The following ABCB4 variants were observed in gnomAD, a reference collection of about 807,000 sequenced individuals.
The protein encoded by ABCB4 is phosphatidylcholine translocator ABCB4.
A neutral mutation model predicts 145.7 loss-of-function variants in ABCB4; 76 were observed. The ratio of observed to expected loss-of-function variants is 0.52; its 90% CI spans 0.43 to 0.63. ABCB4 has a LOEUF of 0.63. Ranked by LOEUF, ABCB4 falls within the 30% of genes least tolerant of loss-of-function variation. The pLI is 0.00. For missense variants in ABCB4, 1,234 were observed against 1,553.1 expected, an observed-to-expected ratio of 0.79 and a Z score of 3.45; for synonymous variants, 517 against 566.8, an observed-to-expected ratio of 0.91 and a Z score of 1.25.
rs1278458801 is a variant in ABCB4, at chr7:87,462,765, G to T, written c.279C>A (p.Ser93=). 6.2e-7 allele frequency: 1 copy of T among 1,613,780 alleles called. No homozygotes were observed. The highest frequency in any genetic ancestry group is 8.5e-7 in the Non-Finnish European group (1 of 1,179,872). The part of the protein sequence containing the change: ...DKFVDTAGNF[S]FPVNFSLSLL... ...AGGTAAAGAAATGCTTACCTGGAAAGGAGAAGTTTCCTGCAGTATCAACAA... is the reference window on the plus strand; with the variant it reads ...AGGTAAAGAAATGCTTACCTGGAAATGAGAAGTTTCCTGCAGTATCAACAA... The change falls in exon 4 of 28, where the codon TCC becomes TCA. Residue 93 remains serine, a synonymous_variant. Transcript: ENST00000649586.
the ABCB4 span, chr7:87,376,100 G>A: frequency 1.5e-6 from 1 of 663,070 alleles, no homozygotes; most frequent in Non-Finnish European, 2.4e-6. Flanking sequence ...CCAAATTGAA[G>A]CTTATAAAGT....
Position 87,472,644 on chromosome 7 carries a change from T to C in ABCB4, c.112A>G (p.Lys38Glu). Reference sequence around the variant, plus strand: ...ACCAATGTTAATACTCCAATCATTTTCACTGTCTTCGTTTTTTTCCTTTTT... The same window carrying C: ...ACCAATGTTAATACTCCAATCATTTCCACTGTCTTCGTTTTTTTCCTTTTT... Reference protein sequence around the residue: ...KQKRKKTKTVKMIGVLTLFRY... With the variant: ...KQKRKKTKTVEMIGVLTLFRY... Residue 38 changes from lysine (K) to glutamate (E), a missense_variant, in exon 3 of 28, where the codon AAA becomes GAA. By Grantham distance (56) the Lys-to-Glu change is moderately conservative. This residue lies in a region of ABCB4 where 77 missense variants were observed against 73.3 expected (regional missense o/e 1.05). Coordinates refer to ENST00000649586, the MANE Select transcript of ABCB4 (RefSeq NM_000443.4). The C allele has an allele frequency of 1.2e-6, 2 of 1,609,596 alleles. No individual in the cohort carries two copies. The highest frequency in any genetic ancestry group is 1.7e-6 in the Non-Finnish European group (2 of 1,176,014).
intron 3 of ABCB4, among the ~76,000 whole-genome samples, chr7:87,472,215 GT>G (rs1813469271): frequency 2.0e-5 from 3 of 152,180 alleles, no homozygotes; most frequent in Admixed American, 2.0e-4. Flanking sequence ...TCTGCAGACA[GT>G]TTTTTGTTGT....
Position 87,402,133 on chromosome 7 carries a change from G to C in ABCB4, c.3803C>G (p.Ser1268Ter). 1 of 1,614,066 alleles carries C rather than the reference G, an allele frequency of 6.2e-7. No homozygotes were observed. The highest frequency in any genetic ancestry group is 8.5e-7 in the Non-Finnish European group (1 of 1,180,040). The change falls in exon 28 of 28, where the codon TCA becomes TGA. Residue 1268 changes from serine to a stop codon, truncating the protein, a stop_gained. Coordinates refer to ENST00000649586, the MANE Select transcript of ABCB4 (RefSeq NM_000443.4). LOFTEE classifies it high-confidence loss of function. Reference protein sequence around the residue: ...QLLAQKGIYFSMVSVQAGTQN... With the variant: ...QLLAQKGIYF ...TGTCCCAGCCTGGACACTGACCATT[G>C]AAAAATAGATGCCTTTCTGTGCCAG... is the stretch of plus-strand genomic sequence containing the variant.
chr7:87,455,118 A>G (rs1280878204), intron 4 of ABCB4, among the ~76,000 whole-genome samples: 1 of 152,182 alleles, frequency 6.6e-6, no homozygotes, highest in Non-Finnish European at 1.5e-5. Flanking sequence ...AGTTACATCC[A>G]TCGCAAAGGA....
chr7:87,409,248 C>G lies in ABCB4; in HGVS notation c.3069G>C (p.Glu1023Asp), dbSNP rs780160089. The G allele has an allele frequency of 1.2e-6, 2 of 1,614,056 alleles. No homozygotes were observed. Among genetic ancestry groups the G allele is most frequent in the Non-Finnish European group, 1.7e-6 (2 of 1,179,988 alleles). Residue 1023 changes from glutamate (E) to aspartate (D), a missense_variant, in exon 24 of 28, where the codon GAG becomes GAC. This residue lies in a region of ABCB4 where 301 missense variants were observed against 389.0 expected (regional missense o/e 0.77). Coordinates refer to ENST00000649586, the MANE Select transcript of ABCB4 (RefSeq NM_000443.4). ...TCAGAGAACTTACAGGCTTCAGCCC[C>G]TCTTCACTGTAGCTGTCAATCAGAG... ...RQPLIDSYSE[E>D]GLKPDKFEGN...
chr7:87,409,865 C>A (rs1044912237), intron 23 of ABCB4, among the ~76,000 whole-genome samples: 1 of 152,156 alleles, frequency 6.6e-6, no homozygotes, highest in Non-Finnish European at 1.5e-5. Flanking sequence ...TGTACTACCA[C>A]ACAAATGATA....
the ABCB4 span, among the ~76,000 whole-genome samples, chr7:87,390,223 A>C: frequency 6.6e-6 from 1 of 152,176 alleles, no homozygotes; most frequent in African/African-American, 2.4e-5. Context: ...CCAATAGTTA[A>C]TGCTCTTTGC....
rs1184761897 is a variant in ABCB4 at position 87,447,133 on chromosome 7, A to G, written c.906T>C (p.Gly302=). The G allele has an allele frequency of 6.2e-7, 1 of 1,614,038 alleles. No individual in the cohort carries two copies. The highest frequency in any genetic ancestry group is 1.1e-5 in the South Asian group (1 of 91,086). ...KKAISANISM[G]IAFLLIYASY... Reference sequence around the variant, plus strand: ...ATGCATATATTAACAGGAAGGCAATACCCATGGAAATGTTTGCTGAAATAG... The same window carrying G: ...ATGCATATATTAACAGGAAGGCAATGCCCATGGAAATGTTTGCTGAAATAG... The change falls in exon 9 of 28, where the codon GGT becomes GGC. Residue 302 remains glycine, a synonymous_variant. Transcript: ENST00000649586.
At chr7:87,472,224 TGTC>T (rs1165213566) in intron 3 of ABCB4, among the ~76,000 whole-genome samples, 1 of 152,156 alleles carries the variant, frequency 6.6e-6, no homozygotes, top group East Asian at 1.9e-4. Flanking sequence ...AGTTTTTTGT[TGTC>T]GTTGTTTTTG....
chr7:87,408,003 A>G, intron 25 of ABCB4, 34 bp downstream of exon 25: 1 of 1,609,838 alleles, frequency 6.2e-7, no homozygotes, highest in Non-Finnish European at 8.5e-7. Flanking sequence ...ATTAAAATAT[A>G]GCCTTCAATC....
At chr7:87,390,283 A>G in the ABCB4 span, among the ~76,000 whole-genome samples, 1 of 152,158 alleles carries the variant, frequency 6.6e-6, no homozygotes, top group Non-Finnish European at 1.5e-5. Context: ...GTCAGCCAGC[A>G]TCTATTATAA....
At chr7:87,379,387 G>A in the ABCB4 span, among the ~76,000 whole-genome samples, 1 of 152,086 alleles carries the variant, frequency 6.6e-6, no homozygotes, top group Non-Finnish European at 1.5e-5. Context: ...TTCATTATAT[G>A]TTAAATTGTT....
At chr7:87,398,854 C>T (rs1807646279), downstream of ABCB4, 2 of 544,452 alleles carry the variant, frequency 3.7e-6, no homozygotes, top group African/African-American at 1.9e-5. Flanking sequence ...TCCTCTGATG[C>T]AGCAGCAATG....
chr7:87,418,706 G>A (rs575374400), intron 19 of ABCB4, 86 bp from the exon 20 acceptor site: 11 of 1,335,572 alleles, frequency 8.2e-6, no homozygotes, highest in Middle Eastern at 2.0e-4. Flanking sequence ...CTCCAATGCT[G>A]AGGAAATTTA....
the ABCB4 span, among the ~76,000 whole-genome samples, chr7:87,370,774 G>C: frequency 6.6e-6 from 1 of 152,188 alleles, no homozygotes; most frequent in African/African-American, 2.4e-5. Flanking sequence ...ATTTGAAAAA[G>C]GCTGCTGTGA....
intron 14 of ABCB4, among the ~76,000 whole-genome samples, chr7:87,432,693 G>A (rs942160792): frequency 6.6e-6 from 1 of 152,200 alleles, no homozygotes; most frequent in Admixed American, 6.5e-5. Context: ...GAGACAGAAG[G>A]TAGATTCATG....
At chr7:87,437,574 A>G (rs1810693974) in intron 14 of ABCB4, among the ~76,000 whole-genome samples, 1 of 152,252 alleles carries the variant, frequency 6.6e-6, no homozygotes. Flanking sequence ...AGCAGCAGCC[A>G]ACAATATCAA....
chr7:87,445,850 T>G (rs1811310249), intron 9 of ABCB4, among the ~76,000 whole-genome samples: 1 of 152,204 alleles, frequency 6.6e-6, no homozygotes, highest in Non-Finnish European at 1.5e-5. Context: ...CTGCCCTCTA[T>G]GCAGAGGGCT....
Sources: gnomAD v4.1 joint callset for allele counts (sites outside exome capture counted in the v4.1 genomes callset) on GRCh38, gnomAD v4.1.1 for gene constraint, gnomAD v4.1.1 regional missense constraint, MANE v1.5 for transcripts, NCBI Gene and HGNC (gene_info 2026-07-23, HGNC 2026-07-21) for gene names.